Variants in ZNF407 observed in about 807,000 individuals in gnomAD.
ZNF407 encodes zinc finger protein 407.
ZNF407 carries 17 observed loss-of-function variants against 131.2 expected under a neutral mutation model. That is an observed-to-expected ratio of 0.13 (90% CI 0.09 to 0.19). The LOEUF (loss-of-function observed/expected upper bound fraction) is 0.19. ZNF407 is among the 10% of genes least tolerant of loss of function. The probability of loss-of-function intolerance (pLI) is 1.00; values close to 1 mark genes in which losing one functional copy is unlikely to be tolerated. For synonymous variants in ZNF407, 1,156 were observed against 1,062.0 expected, an observed-to-expected ratio of 1.09 and a Z score of -1.72; for missense variants, 2,681 against 2,830.6, an observed-to-expected ratio of 0.95 and a Z score of 1.20.
chr18:75,038,596 A>G (rs1973337363), intron 8 of ZNF407, among the ~76,000 whole-genome samples: 1 of 152,190 alleles, frequency 6.6e-6, no homozygotes, highest in African/African-American at 2.4e-5. Context: ...ATACTGTGTA[A>G]AGGAAGGGAA....
chr18:74,761,954 G>A (rs1254974900), intron 3 of ZNF407, among the ~76,000 whole-genome samples: 1 of 152,058 alleles, frequency 6.6e-6, no homozygotes, highest in Non-Finnish European at 1.5e-5. Flanking sequence ...GTATTTGTAG[G>A]AAACTGTTTT....
At chr18:74,869,142 A>G (rs1346644341) in intron 4 of ZNF407, among the ~76,000 whole-genome samples, 1 of 152,268 alleles carries the variant, frequency 6.6e-6, no homozygotes. Flanking sequence ...CAAATTATGT[A>G]TATCAGTAAG....
At chr18:74,965,555 G>A (rs1183373559) in intron 8 of ZNF407, among the ~76,000 whole-genome samples, 1 of 151,860 alleles carries the variant, frequency 6.6e-6, no homozygotes, top group Non-Finnish European at 1.5e-5. Flanking sequence ...TTATTCATTT[G>A]TCATCTGTTG....
At chr18:74,733,926 C>T (rs1968350460) in intron 3 of ZNF407, among the ~76,000 whole-genome samples, 1 of 152,178 alleles carries the variant, frequency 6.6e-6, no homozygotes, top group African/African-American at 2.4e-5. Context: ...GCTCGTTGCT[C>T]AGTCCCTGGC....
chr18:74,776,243 A>T (rs1599144067), intron 3 of ZNF407, among the ~76,000 whole-genome samples: 1 of 152,194 alleles, frequency 6.6e-6, no homozygotes, highest in African/African-American at 2.4e-5. Flanking sequence ...ACGGGCCTTC[A>T]TTACACACTG....
intron 1 of ZNF407, among the ~76,000 whole-genome samples, chr18:74,625,510 G>A (rs1382058155): frequency 6.6e-6 from 1 of 152,174 alleles, no homozygotes; most frequent in East Asian, 1.9e-4. Context: ...GTGGTAGACT[G>A]GGCATGGAAA....
chr18:74,812,644 T>C (rs2145090413), intron 4 of ZNF407, among the ~76,000 whole-genome samples: 1 of 152,262 alleles, frequency 6.6e-6, no homozygotes. Context: ...GGTTGTTGTT[T>C]TTCTGCAGTT....
At chr18:74,985,833 C>G (rs1341400787) in intron 8 of ZNF407, among the ~76,000 whole-genome samples, 1 of 152,160 alleles carries the variant, frequency 6.6e-6, no homozygotes, top group Non-Finnish European at 1.5e-5. Flanking sequence ...CCTTCCTAAC[C>G]TTAGACCACA....
chr18:74,815,382 A>C (rs991858082), intron 4 of ZNF407, among the ~76,000 whole-genome samples: 3 of 152,184 alleles, frequency 2.0e-5, no homozygotes, highest in African/African-American at 7.2e-5. Flanking sequence ...CCCAAGTAGC[A>C]CAGTGTCGGC....
chr18:74,850,659 CCTTTCAGTTT>C (rs1179138882), intron 4 of ZNF407, among the ~76,000 whole-genome samples: 5 of 152,122 alleles, frequency 3.3e-5, no homozygotes, highest in African/African-American at 1.2e-4. Flanking sequence ...GCTTTCAGTT[CCTTTCAGTTT>C]CTGCTCAAAT....
At chr18:75,033,905 G>A (rs118006646) in intron 8 of ZNF407, among the ~76,000 whole-genome samples, 4,243 of 152,020 alleles carry the variant, frequency 0.028, 77 homozygotes, top group African/African-American at 0.04. Flanking sequence ...AAAAATAATC[G>A]CATTAAACTT....
intron 6 of ZNF407, among the ~76,000 whole-genome samples, chr18:74,883,587 T>C (rs1235553974): frequency 3.9e-5 from 6 of 152,214 alleles, no homozygotes; most frequent in African/African-American, 1.4e-4. Context: ...TCAGGGACCC[T>C]TGATTCAAGG....
intron 4 of ZNF407, among the ~76,000 whole-genome samples, chr18:74,783,949 C>A (rs1186870337): frequency 6.6e-6 from 1 of 152,200 alleles, no homozygotes; most frequent in South Asian, 2.1e-4. Context: ...ACCCCAGCAG[C>A]AGTATAATTT....
intron 8 of ZNF407, among the ~76,000 whole-genome samples, chr18:74,996,095 G>A (rs17056115): frequency 0.21 from 32,507 of 152,056 alleles, 4,049 homozygotes; most frequent in African/African-American, 0.31. Context: ...GTTCAGTATT[G>A]AAATGTTTAC....
intron 8 of ZNF407, among the ~76,000 whole-genome samples, chr18:74,966,550 T>C (rs1198984909): frequency 6.6e-6 from 1 of 152,212 alleles, no homozygotes; most frequent in East Asian, 1.9e-4. Flanking sequence ...AATACCATGC[T>C]GTTTTGGTTA....
chr18:74,870,682 C>T (rs767080656), intron 4 of ZNF407, among the ~76,000 whole-genome samples: 2 of 152,116 alleles, frequency 1.3e-5, no homozygotes, highest in African/African-American at 2.4e-5. Flanking sequence ...TGTACACACA[C>T]GTACACACAC....
chr18:75,047,818 G>A (rs1420932317), intron 8 of ZNF407, among the ~76,000 whole-genome samples: 2 of 152,256 alleles, frequency 1.3e-5, no homozygotes, highest in African/African-American at 4.8e-5. Flanking sequence ...CTTTCAGCCA[G>A]CAAATGAGGA....
chr18:74,632,958 A>G lies in ZNF407; in HGVS notation c.1939A>G (p.Lys647Glu), dbSNP rs191782884. The change falls in exon 2 of 9, where the codon AAG becomes GAG. Residue 647 changes from lysine to glutamate, a missense_variant. Physicochemically the swap from Lys to Glu is moderately conservative, Grantham distance 56. Around this residue, in one of 6 missense-constraint regions of ZNF407, gnomAD observed 1,789 missense variants for 1,748.7 expected, o/e 1.02. Transcript: ENST00000299687. ...EKHINSLVQP[K>E]TLQSSNSDLV... is the part of the protein sequence containing the mutation. ...GCATATTAATTCATTGGTTCAACCA[A>G]AGACTTTGCAATCATCTAACAGTGA... 405 of 1,613,470 alleles carry G rather than the reference A, an allele frequency of 2.5e-4. No individual in the cohort carries two copies. Among genetic ancestry groups the G allele is most frequent in the Non-Finnish European group, 3.3e-4 (387 of 1,179,732 alleles).
intron 8 of ZNF407, among the ~76,000 whole-genome samples, chr18:75,056,419 C>T (rs1973562866): frequency 6.6e-6 from 1 of 152,182 alleles, no homozygotes; most frequent in Non-Finnish European, 1.5e-5. Flanking sequence ...CATTTGGTTA[C>T]TGGAATATAA....
Sources: gnomAD v4.1 joint callset for allele counts (sites outside exome capture counted in the v4.1 genomes callset) on GRCh38, gnomAD v4.1.1 for gene constraint, gnomAD v4.1.1 regional missense constraint, MANE v1.5 for transcripts, NCBI Gene and HGNC (gene_info 2026-07-23, HGNC 2026-07-21) for gene names.